NIPBL: variants seen among roughly 807,000 people sequenced by gnomAD.
The protein encoded by NIPBL is nipped-B-like protein.
Under a neutral mutation model 321.8 loss-of-function variants are expected in NIPBL, and 19 were observed. The observed-to-expected ratio is 0.06, with a 90% CI of 0.04 to 0.09. NIPBL has a LOEUF of 0.09. NIPBL is among the 10% of genes least tolerant of loss of function. The pLI, the probability that NIPBL is intolerant of heterozygous loss-of-function variation, is 1.00. For missense variants in NIPBL, 2,210 were observed against 3,327.0 expected (o/e 0.66, Z 8.26); for synonymous variants, 1,106 against 1,114.1 (o/e 0.99, Z 0.14).
chr5:36,927,668 A>G (rs1254843155), intron 1 of NIPBL, among the ~76,000 whole-genome samples: 1 of 152,240 alleles, frequency 6.6e-6, no homozygotes, highest in Middle Eastern at 3.2e-3. Context: ...GTATTGTAGA[A>G]GAAGCACGAA....
intron 1 of NIPBL, among the ~76,000 whole-genome samples, chr5:36,952,087 G>GCGCGCGCGA (rs1561070662): frequency 4.8e-4 from 67 of 138,558 alleles, no homozygotes; most frequent in African/African-American, 1.7e-3. Context: ...TGTGTGTGTA[G>GCGCGCGCGA]CAGTTTAATG....
intron 9 of NIPBL, 36 bp from the exon 10 acceptor site, chr5:36,984,640 C>A: frequency 1.3e-6 from 2 of 1,551,682 alleles, no homozygotes; most frequent in South Asian, 1.1e-5. Flanking sequence ...GAATACATGT[C>A]TATTACTGAT....
intron 2 of NIPBL, among the ~76,000 whole-genome samples, chr5:36,954,396 A>G (rs1740716983): frequency 6.6e-6 from 1 of 152,152 alleles, no homozygotes; most frequent in South Asian, 2.1e-4. Context: ...TTAGTGGGGT[A>G]AAATAGATAA....
rs1445769284 is a variant in NIPBL, at chr5:36,877,155, G to A, written c.-103G>A. 3.4e-6 allele frequency: 1 copy of A among 297,304 alleles called. No individual in the cohort carries two copies. The highest frequency in any genetic ancestry group is 5.1e-5 in the Admixed American group (1 of 19,430). The allele number at this position is 297,304 out of a possible 1,614,324, so 18.4% of individuals were successfully genotyped here. ...GCCACAGCGGCCTCGGCCTCCCCTT[G>A]GATTCAGACGCCGATTCGCCCAGGT... is the stretch of plus-strand genomic sequence containing the variant. On this transcript the variant is annotated 5_prime_UTR_variant, in exon 1 of 47. Transcript: ENST00000282516.
chr5:36,959,603 A>G (rs999185311), intron 4 of NIPBL, among the ~76,000 whole-genome samples: 3 of 152,200 alleles, frequency 2.0e-5, no homozygotes, highest in Admixed American at 6.5e-5. Context: ...AGTTGAGTGG[A>G]AGAAAGACTA....
intron 46 of NIPBL, 140 bp from the exon 47 acceptor site, chr5:37,064,387 G>A: frequency 6.5e-7 from 1 of 1,529,076 alleles, no homozygotes; most frequent in South Asian, 1.2e-5. Context: ...CGGTCACGGT[G>A]CGTCTCATTG....
chr5:37,052,859 T>G (rs573612471), intron 42 of NIPBL, among the ~76,000 whole-genome samples: 1 of 152,306 alleles, frequency 6.6e-6, no homozygotes, highest in South Asian at 2.1e-4. Context: ...ATCACTAAAC[T>G]AATCGCTTTG....
chr5:36,929,178 T>A (rs560679733), intron 1 of NIPBL, among the ~76,000 whole-genome samples: 1 of 152,286 alleles, frequency 6.6e-6, no homozygotes, highest in East Asian at 1.9e-4. Flanking sequence ...TGTCTTTTTT[T>A]ATAACATTAT....
At chr5:36,881,093 G>A (rs1351485394) in intron 1 of NIPBL, among the ~76,000 whole-genome samples, 1 of 151,962 alleles carries the variant, frequency 6.6e-6, no homozygotes, top group African/African-American at 2.4e-5. Flanking sequence ...CTTTGAGAGA[G>A]AGGATACCTG....
At chr5:37,003,961 G>A (rs182299955) in intron 16 of NIPBL, among the ~76,000 whole-genome samples, 2 of 152,182 alleles carry the variant, frequency 1.3e-5, no homozygotes, top group African/African-American at 4.8e-5. Flanking sequence ...GATGATAGTA[G>A]GTAGTAATTC....
intron 44 of NIPBL, 78 bp from the exon 45 acceptor site, chr5:37,060,766 T>C (rs1754578722): frequency 8.1e-7 from 1 of 1,233,472 alleles, no homozygotes; most frequent in African/African-American, 1.5e-5. Flanking sequence ...AATATGGTGC[T>C]TCCTACCTAT....
chr5:36,939,345 A>G (rs943484724), intron 1 of NIPBL, among the ~76,000 whole-genome samples: 4 of 152,088 alleles, frequency 2.6e-5, no homozygotes, highest in African/African-American at 9.7e-5. Flanking sequence ...TCTTTTCACC[A>G]TCTCTACAAT....
At chr5:37,031,623 A>G (rs1751029613) in intron 32 of NIPBL, among the ~76,000 whole-genome samples, 1 of 152,240 alleles carries the variant, frequency 6.6e-6, no homozygotes, top group Non-Finnish European at 1.5e-5. Flanking sequence ...AAAACAGTTA[A>G]GAGTAACCTG....
chr5:36,966,946 T>C (rs1742276133), intron 6 of NIPBL, among the ~76,000 whole-genome samples: 3 of 151,994 alleles, frequency 2.0e-5, no homozygotes, highest in Admixed American at 6.5e-5. Flanking sequence ...AAAACCTCGA[T>C]TGTAGAAATG....
intron 1 of NIPBL, among the ~76,000 whole-genome samples, chr5:36,948,797 C>A (rs2149591126): frequency 6.6e-6 from 1 of 151,876 alleles, no homozygotes; most frequent in Middle Eastern, 3.4e-3. Flanking sequence ...ATTGAAGTGC[C>A]ATAGAAATGT....
chr5:36,982,929 TATAGAA>T (rs1009897871), intron 9 of NIPBL, among the ~76,000 whole-genome samples: 2 of 151,924 alleles, frequency 1.3e-5, no homozygotes, highest in African/African-American at 4.8e-5. Context: ...TCCTCAAAAA[TATAGAA>T]ATCTTAGGTT....
rs57488198 is a variant in NIPBL, at chr5:37,055,356, T to TAAAAA, written c.7264-1816_7264-1812dup. Among the ~76,000 whole-genome samples the TAAAAA allele has an allele frequency of 7.9e-4, 67 of 84,640 alleles. 2 individuals carry two copies. Among genetic ancestry groups the TAAAAA allele is most frequent in the African/African-American group, 2.2e-3 (60 of 27,556 alleles). The allele number at this position is 84,640 out of a possible 152,430, so 55.5% of individuals were successfully genotyped here. A position where few individuals can be genotyped will look rare whatever the true frequency, so the allele number is the denominator to read the frequency against. On this transcript the variant is annotated intron_variant, in intron 42 of 46. Transcript: ENST00000282516. ...ACAGAGCGAGACTCCATCTCAACAG[T>TAAAAA]AAAAAAAAAAAAAAAAAAGAATGGA...
At chr5:37,037,171 A>T (rs1035764948) in intron 33 of NIPBL, among the ~76,000 whole-genome samples, 1 of 151,432 alleles carries the variant, frequency 6.6e-6, no homozygotes, top group African/African-American at 2.4e-5. Flanking sequence ...GCAGATCATG[A>T]GGTCAGGAGA....
intron 9 of NIPBL, among the ~76,000 whole-genome samples, chr5:36,978,648 A>G (rs1370775743): frequency 6.6e-6 from 1 of 152,012 alleles, no homozygotes; most frequent in Admixed American, 6.6e-5. Context: ...GGTCTTAGTC[A>G]TAAATTCTTT....
Sources: allele counts gnomAD v4.1 joint callset (sites outside exome capture counted in the v4.1 genomes callset), GRCh38; gene constraint gnomAD v4.1.1; transcripts MANE v1.5; gene names NCBI Gene and HGNC (gene_info 2026-07-23, HGNC 2026-07-21).